The following TGFB1I1 variants were observed in gnomAD, a reference collection of about 807,000 sequenced individuals.
The protein encoded by TGFB1I1 is transforming growth factor beta 1 induced transcript 1, also known as transforming growth factor beta-1-induced transcript 1 protein.
In TGFB1I1, 33 loss-of-function variants were observed where a neutral mutation model predicts 52.0. The observed-to-expected ratio is 0.63, with a 90% CI of 0.48 to 0.85. The LOEUF (loss-of-function observed/expected upper bound fraction) is 0.85. Ranked by LOEUF, TGFB1I1 falls within the 40% of genes least tolerant of loss-of-function variation. The pLI is 0.00. For synonymous variants in TGFB1I1, 236 were observed against 253.3 expected (o/e 0.93, Z 0.65); for missense variants, 577 against 614.9 (o/e 0.94, Z 0.65).
At chr16:31,475,785 T>C in intron 7 of TGFB1I1, 1 of 501,538 alleles carries the variant, frequency 2.0e-6, no homozygotes, top group Non-Finnish European at 3.5e-6. Context: ...TATTGTGGGC[T>C]CCAGGCGCTG....
In TGFB1I1 at chr16:31,474,766, A is replaced by T. The variant is rs1397590041; in HGVS notation, c.714+9A>T. 4 of 1,597,926 alleles carry T rather than the reference A, an allele frequency of 2.5e-6. No homozygotes were observed. The highest frequency in any genetic ancestry group is 3.4e-6 in the Non-Finnish European group (4 of 1,172,654). On this transcript the variant is annotated intron_variant, in intron 7 of 10. Coordinates refer to ENST00000394863, the MANE Select transcript of TGFB1I1 (RefSeq NM_001042454.3). The surrounding 1 kb of genome is among the most constrained non-coding windows in gnomAD (Gnocchi z 4.2). ...AACCTATTGCTGGGCAAGTAAGTGG[A>T]GCCTTGTGAGAAGGGAGGCAGAGAC...
At chr16:31,473,082 C>A in intron 1 of TGFB1I1, 1 of 526,280 alleles carries the variant, frequency 1.9e-6, no homozygotes, top group Non-Finnish European at 2.6e-6. Context: ...AGTTAACCAG[C>A]ATGGAAGAGA....
Position 31,477,713 on chromosome 16 carries a change from C to T in TGFB1I1, c.*137C>T, listed in dbSNP as rs995388630. 6 of 1,183,862 alleles carry T rather than the reference C, an allele frequency of 5.1e-6. No individual in the cohort carries two copies. The African/African-American group carries it at 7.7e-5, about 15-fold the overall frequency. 73.3% of individuals were successfully genotyped at this position (1,183,862 alleles called of 1,614,324 possible). ...CCCCGCCCCTAAGGTACTATGAGTC[C>T]TCAGGGGTCAAGTTCAGAAACGGCC... On this transcript the variant is annotated 3_prime_UTR_variant, in exon 11 of 11. Coordinates refer to ENST00000394863, the MANE Select transcript of TGFB1I1 (RefSeq NM_001042454.3). The surrounding 1 kb of genome is among the most constrained non-coding windows in gnomAD (Gnocchi z 4.7).
In TGFB1I1 at chr16:31,473,828, T is replaced by G; in HGVS notation, c.183-7T>G. ...CCCTGAACCCAGGCTCCCACTCTGC[T>G]TCCCAGCACGGTATGCAAGCCTCGG... On this transcript the variant is annotated splice_polypyrimidine_tract_variant and splice_region_variant and intron_variant, in intron 3 of 10. Transcript: ENST00000394863. The G allele has an allele frequency of 6.2e-7, 1 of 1,613,882 alleles. No homozygotes were observed. The highest frequency in any genetic ancestry group is 1.1e-5 in the South Asian group (1 of 91,066).
Position 31,476,258 on chromosome 16 carries a change from G to A in TGFB1I1, c.888+73G>A. ...GCTGTGGGACGGGCCTCCACCGCATGGGTCCCGCCCCACCCGCGATACCCC... is the reference window on the plus strand; with the variant it reads ...GCTGTGGGACGGGCCTCCACCGCATAGGTCCCGCCCCACCCGCGATACCCC... On this transcript the variant is annotated intron_variant, in intron 8 of 10. Transcript: ENST00000394863. The surrounding 1 kb of genome is among the most constrained non-coding windows in gnomAD (Gnocchi z 7.6). 4 of 1,559,074 alleles carry A rather than the reference G, an allele frequency of 2.6e-6. No individual in the cohort carries two copies. Among genetic ancestry groups the A allele is most frequent in the Non-Finnish European group, 1.7e-6 (2 of 1,153,248 alleles).
At position 31,477,937 on chromosome 16, in the gene TGFB1I1, A is replaced by C; in HGVS notation, c.*361A>C. ...TGTTCTGTGCACTTTTTCTACCTAC[A>C]TAAACACACGCATTCCACCTCTCCC... On this transcript the variant is annotated 3_prime_UTR_variant, in exon 11 of 11. Transcript: ENST00000394863. The surrounding 1 kb of genome is among the most constrained non-coding windows in gnomAD (Gnocchi z 4.7). The C allele has an allele frequency of 1.1e-5, 3 of 270,462 alleles. No homozygotes were observed. The highest frequency in any genetic ancestry group is 2.2e-5 in the African/African-American group (1 of 45,108). The allele number at this position is 270,462 out of a possible 1,614,324, so 16.8% of individuals were successfully genotyped here.
Position 31,476,749 on chromosome 16 carries a change from C to G in TGFB1I1, c.971-113C>G. The G allele has an allele frequency of 6.5e-7, 1 of 1,538,382 alleles. No individual in the cohort carries two copies. Among genetic ancestry groups the G allele is most frequent in the Non-Finnish European group, 8.8e-7 (1 of 1,141,094 alleles). The stretch of plus-strand genomic sequence containing the variant: ...TGTCCCGCCATAGACCCGGCTCCTC[C>G]TTCCCCAAGGCTCCCTCGGACTGCC... On this transcript the variant is annotated intron_variant, in intron 9 of 10. Transcript: ENST00000394863. This position sits in a 1 kb window ranked among gnomAD's most constrained non-coding sequence, Gnocchi z 7.6.
Position 31,473,855 on chromosome 16 carries a change from C to A in TGFB1I1, c.203C>A (p.Ser68Tyr). 1 of 1,614,148 alleles carries A rather than the reference C, an allele frequency of 6.2e-7. No individual in the cohort carries two copies. The highest frequency in any genetic ancestry group is 8.5e-7 in the Non-Finnish European group (1 of 1,180,024). Residue 68 changes from serine to tyrosine, a missense_variant, in exon 4 of 11, where the codon TCC becomes TAC. This residue lies in a region of TGFB1I1 where 113 missense variants were observed against 123.9 expected (regional missense o/e 0.91). Coordinates refer to ENST00000394863, the MANE Select transcript of TGFB1I1 (RefSeq NM_001042454.3). ...CCCAGCACGGTATGCAAGCCTCGGT[C>A]CCCAAAGCCTGCAGCCCCGGCGGCC... The part of the protein sequence containing the change: ...HLYSTVCKPR[S>Y]PKPAAPAAPP...
Position 31,476,700 on chromosome 16 carries a change from TC to T in TGFB1I1, c.970+140del. The stretch of plus-strand genomic sequence containing the variant: ...TGGCCCTGCCCTCTCCTACACAGAC[TC>T]CGGACCCGAGCCCTCCCCGCTCTGT... On this transcript the variant is annotated intron_variant, in intron 9 of 10. Transcript: ENST00000394863. The surrounding 1 kb of genome is among the most constrained non-coding windows in gnomAD (Gnocchi z 7.6). 1 of 1,442,018 alleles carries T rather than the reference TC, an allele frequency of 6.9e-7. No individual in the cohort carries two copies. Among genetic ancestry groups the T allele is most frequent in the Non-Finnish European group, 9.4e-7 (1 of 1,064,032 alleles). The allele number at this position is 1,442,018 out of a possible 1,614,324, so 89.3% of individuals were successfully genotyped here. A position where few individuals can be genotyped will look rare whatever the true frequency, so the allele number is the denominator to read the frequency against.
chr16:31,475,109 G>T, intron 7 of TGFB1I1: 1 of 281,266 alleles, frequency 3.6e-6, no homozygotes, highest in Non-Finnish European at 6.9e-6. Context: ...AGTCTGGACT[G>T]GGTTCACTGG....
chr16:31,477,203 C>A lies in TGFB1I1; in HGVS notation c.1120-107C>A, dbSNP rs970862957. 1 of 1,481,042 alleles carries A rather than the reference C, an allele frequency of 6.8e-7. No individual in the cohort carries two copies. The highest frequency in any genetic ancestry group is 9.0e-7 in the Non-Finnish European group (1 of 1,105,476). 91.7% of individuals were successfully genotyped at this position (1,481,042 alleles called of 1,614,324 possible). A position where few individuals can be genotyped will look rare whatever the true frequency, so the allele number is the denominator to read the frequency against. On this transcript the variant is annotated intron_variant, in intron 10 of 10. Coordinates refer to ENST00000394863, the MANE Select transcript of TGFB1I1 (RefSeq NM_001042454.3). The surrounding 1 kb of genome is among the most constrained non-coding windows in gnomAD (Gnocchi z 4.7). ...GGGTCCCACCGGACGGGATTCTTCG[C>A]GTCTAGGGCGGGCTGCGGGGTCCCA...
In TGFB1I1 at chr16:31,474,072, GT is replaced by G; in HGVS notation, c.326-78del. On this transcript the variant is annotated intron_variant, in intron 4 of 10. Coordinates refer to ENST00000394863, the MANE Select transcript of TGFB1I1 (RefSeq NM_001042454.3). This position sits in a 1 kb window ranked among gnomAD's most constrained non-coding sequence, Gnocchi z 4.2. ...GAGGAATACACTTCCCAGAGTAGCA[GT>G]TAAAGGGACCTAAAGCCTCAAGTGT... is the stretch of plus-strand genomic sequence containing the variant. 6 of 1,611,238 alleles carry G rather than the reference GT, an allele frequency of 3.7e-6. No homozygotes were observed. The East Asian group carries it at 1.3e-4, about 36-fold the overall frequency.
chr16:31,473,238 C>T, intron 1 of TGFB1I1: 1 of 1,381,036 alleles, frequency 7.2e-7, no homozygotes, highest in Non-Finnish European at 9.4e-7. Flanking sequence ...TGGGTTTGTG[C>T]TTGGCTCCAA....
At chr16:31,473,408 C>T in intron 1 of TGFB1I1, 33 bp from the exon 2 acceptor site, 1 of 1,596,934 alleles carries the variant, frequency 6.3e-7, no homozygotes, top group Non-Finnish European at 8.6e-7. Flanking sequence ...AACCGTGACC[C>T]TTGTCTCTCT....
In TGFB1I1 at chr16:31,474,659, A is replaced by C. The variant is rs760945013; in HGVS notation, c.616A>C (p.Thr206Pro). The part of the protein sequence containing the change: ...PEPTGKGSLD[T>P]MLGLLQSDLS... ...GCCGACTGGCAAGGGCAGCCTAGAC[A>C]CCATGCTGGGGCTGCTGCAGTCCGA... is the stretch of plus-strand genomic sequence containing the variant. The change falls in exon 7 of 11, where the codon ACC (threonine) becomes CCC (proline). Residue 206 changes from threonine to proline, a missense_variant. Transcript: ENST00000394863. This position sits in a 1 kb window ranked among gnomAD's most constrained non-coding sequence, Gnocchi z 4.2. 1 of 1,613,456 alleles carries C rather than the reference A, an allele frequency of 6.2e-7. No homozygotes were observed. Among genetic ancestry groups the C allele is most frequent in the Admixed American group, 1.7e-5 (1 of 59,974 alleles).
chr16:31,475,349 G>A (rs1211687623), intron 7 of TGFB1I1: 2 of 153,922 alleles, frequency 1.3e-5, no homozygotes, highest in Admixed American at 6.4e-5. Flanking sequence ...AGATGGGTAT[G>A]TTATTATTGT....
rs751603714 is a variant in TGFB1I1 at position 31,474,381 on chromosome 16, G to T, written c.445G>T (p.Ala149Ser). ...PSSPSPGLPK[A>S]SATSATLELD... is the part of the protein sequence containing the mutation. ...CAGCCCGTCTCCTGGCCTCCCAAAG[G>T]CTTCTGCCACCTCAGCCACTCTGGA... Residue 149 changes from alanine to serine, a missense_variant, in exon 6 of 11, where the codon GCT (alanine) becomes TCT (serine). Coordinates refer to ENST00000394863, the MANE Select transcript of TGFB1I1 (RefSeq NM_001042454.3). This position sits in a 1 kb window ranked among gnomAD's most constrained non-coding sequence, Gnocchi z 4.2. 1.8e-5 allele frequency: 29 copies of T among 1,614,056 alleles called. No individual in the cohort carries two copies. The South Asian group carries it at 3.0e-4, about 16-fold the overall frequency.
Position 31,474,993 on chromosome 16 carries a change from G to T in TGFB1I1, c.714+236G>T, listed in dbSNP as rs1033818964. On this transcript the variant is annotated intron_variant, in intron 7 of 10. Transcript: ENST00000394863. This position sits in a 1 kb window ranked among gnomAD's most constrained non-coding sequence, Gnocchi z 4.2. Reference sequence around the variant, plus strand: ...GGTCCTACTGTGTGCCAGGCACTGTGCCAGCTCCTTTACAAACCCTCATCT... The same window carrying T: ...GGTCCTACTGTGTGCCAGGCACTGTTCCAGCTCCTTTACAAACCCTCATCT... 7 of 542,756 alleles carry T rather than the reference G, an allele frequency of 1.3e-5. No individual in the cohort carries two copies. The highest frequency in any genetic ancestry group is 9.5e-5 in the African/African-American group (5 of 52,530). 33.6% of individuals were successfully genotyped at this position (542,756 alleles called of 1,614,324 possible).
At chr16:31,473,142 T>G in intron 1 of TGFB1I1, 18 of 1,119,486 alleles carry the variant, frequency 1.6e-5, no homozygotes, top group East Asian at 5.7e-5. Flanking sequence ...AATGGAGCAA[T>G]TTGGAGGGGA....
Sources: allele counts gnomAD v4.1 joint callset, GRCh38; gene constraint gnomAD v4.1.1; regional missense constraint gnomAD v4.1.1; non-coding constraint Gnocchi (gnomAD v3.1); transcripts MANE v1.5; gene names NCBI Gene and HGNC (gene_info 2026-07-23, HGNC 2026-07-21).